Variants in MYRFL observed in about 807,000 individuals in gnomAD.
MYRFL encodes the protein myelin regulatory factor like.
Under a neutral mutation model 109.4 loss-of-function variants are expected in MYRFL, and 88 were observed. The ratio of observed to expected loss-of-function variants is 0.80; its 90% CI spans 0.68 to 0.96. The LOEUF (loss-of-function observed/expected upper bound fraction) is 0.96, where lower values mean the gene tolerates loss of function less well. Among genes scored for constraint, MYRFL ranks in the 40% least tolerant of loss-of-function variants. The pLI is 0.00. For synonymous variants in MYRFL, 324 were observed against 320.9 expected, an observed-to-expected ratio of 1.01 and a Z score of -0.10; for missense variants, 957 against 954.9, an observed-to-expected ratio of 1.00 and a Z score of -0.03.
chr12:69,877,659 G>A (rs971703214), intron 2 of MYRFL, among the ~76,000 whole-genome samples: 1 of 152,156 alleles, frequency 6.6e-6, no homozygotes, highest in African/African-American at 2.4e-5. Flanking sequence ...GAGAGTAGAT[G>A]TGTGTCCTCT....
intron 19 of MYRFL, among the ~76,000 whole-genome samples, chr12:69,948,557 A>C (rs1242156245): frequency 1.3e-5 from 2 of 152,172 alleles, no homozygotes; most frequent in African/African-American, 2.4e-5. Context: ...ACTTCTCTTT[A>C]TGCCTCATTT....
intron 13 of MYRFL, among the ~76,000 whole-genome samples, chr12:69,912,843 T>A (rs1434524000): frequency 2.0e-5 from 3 of 152,218 alleles, no homozygotes; most frequent in Non-Finnish European, 4.4e-5. Context: ...CTGGATCACA[T>A]GGCAATTCTA....
At chr12:69,941,297 C>T (rs984963546) in intron 19 of MYRFL, among the ~76,000 whole-genome samples, 13 of 104,444 alleles carry the variant, frequency 1.2e-4, no homozygotes, top group Admixed American at 1.2e-4. Flanking sequence ...AAGCTCTCCT[C>T]AGCAAATGTA....
Position 69,952,781 on chromosome 12 carries a change from T to A in MYRFL, c.2288-18T>A. ...TTCAGAAGAGTTTATTTACTTTGTC[T>A]ATTTCTTCTCAATTCAGGGATTGAT... On this transcript the variant is annotated intron_variant, in intron 20 of 24. Transcript: ENST00000552032. The A allele has an allele frequency of 6.8e-7, 1 of 1,480,380 alleles. No individual in the cohort carries two copies. The highest frequency in any genetic ancestry group is 9.1e-7 in the Non-Finnish European group (1 of 1,102,400). 91.7% of individuals were successfully genotyped at this position (1,480,380 alleles called of 1,614,324 possible). A position where few individuals can be genotyped will look rare whatever the true frequency, so the allele number is the denominator to read the frequency against.
At chr12:69,926,845 C>A (rs141168345) in intron 14 of MYRFL, 111 bp downstream of exon 14, 3 of 957,506 alleles carry the variant, frequency 3.1e-6, no homozygotes, top group African/African-American at 3.4e-5. Context: ...CCGCTACTTT[C>A]TGATAATGAA....
chr12:69,954,717 T>G (rs1248930137), intron 21 of MYRFL, among the ~76,000 whole-genome samples: 1 of 152,208 alleles, frequency 6.6e-6, no homozygotes, highest in East Asian at 1.9e-4. Flanking sequence ...AAGGAGAACT[T>G]GTTTTAGAGA....
chr12:69,939,939 A>T (rs1234849142), intron 19 of MYRFL, among the ~76,000 whole-genome samples: 3 of 152,242 alleles, frequency 2.0e-5, no homozygotes, highest in Non-Finnish European at 4.4e-5. Flanking sequence ...AAGAAAGGGT[A>T]TCAGCAATGG....
intron 20 of MYRFL, 53 bp from the exon 21 acceptor site, chr12:69,952,746 T>C: frequency 7.7e-7 from 1 of 1,293,256 alleles, no homozygotes; most frequent in South Asian, 1.4e-5. Flanking sequence ...AATACAATAT[T>C]CTTTTTCCTT....
chr12:69,872,624 G>A (rs939915666), intron 2 of MYRFL, among the ~76,000 whole-genome samples: 5 of 151,492 alleles, frequency 3.3e-5, no homozygotes, highest in African/African-American at 4.9e-5. Context: ...CCTCAGCCTC[G>A]TGAGTAGCTG....
chr12:69,939,213 C>T (rs1955562638), intron 19 of MYRFL, among the ~76,000 whole-genome samples: 1 of 152,214 alleles, frequency 6.6e-6, no homozygotes, highest in African/African-American at 2.4e-5. Context: ...GCCTGCCTGC[C>T]TGTGTAGGCT....
intron 18 of MYRFL, 46 bp from the exon 19 acceptor site, chr12:69,936,407 A>C (rs1224415571): frequency 6.6e-7 from 1 of 1,526,366 alleles, no homozygotes; most frequent in East Asian, 2.5e-5. Flanking sequence ...CCAGCCTTTC[A>C]GGTTAACCTT....
intron 11 of MYRFL, among the ~76,000 whole-genome samples, chr12:69,907,382 T>C (rs1235282090): frequency 6.6e-6 from 1 of 152,218 alleles, no homozygotes; most frequent in Non-Finnish European, 1.5e-5. Context: ...CATTTCCCTC[T>C]CTGTAGCCTG....
In MYRFL at chr12:69,903,730, A is replaced by C. The variant is rs1257045317; in HGVS notation, c.1269A>C (p.Arg423=). 7.2e-6 allele frequency: 11 copies of C among 1,535,848 alleles called. No homozygotes were observed. Among genetic ancestry groups the C allele is most frequent in the Non-Finnish European group, 9.6e-6 (11 of 1,146,700 alleles). ...QVPESIVCHG[R]VGINTDAPDE... The stretch of plus-strand genomic sequence containing the variant: ...CAGAATCTATTGTCTGTCACGGTCG[A>C]GTAGGAATCAACACAGATGCGCCGG... Residue 423 remains arginine, a synonymous_variant, in exon 11 of 25, where the codon CGA becomes CGC. Transcript: ENST00000552032.
chr12:69,916,229 A>G (rs1393898169), intron 13 of MYRFL, among the ~76,000 whole-genome samples: 1 of 152,292 alleles, frequency 6.6e-6, no homozygotes, highest in East Asian at 1.9e-4. Context: ...CAAGTAATAA[A>G]GCTCTAAGTA....
intron 1 of MYRFL, among the ~76,000 whole-genome samples, chr12:69,836,885 C>T (rs184131589): frequency 1.4e-4 from 22 of 152,280 alleles, no homozygotes; most frequent in African/African-American, 3.8e-4. Flanking sequence ...AATCTATAGA[C>T]GGCCACCAAT....
chr12:69,912,405 C>T (rs1388701007), intron 13 of MYRFL, among the ~76,000 whole-genome samples: 1 of 152,124 alleles, frequency 6.6e-6, no homozygotes, highest in African/African-American at 2.4e-5. Context: ...CACCACCATC[C>T]ATCTCCAGAA....
At chr12:69,890,697 T>C (rs1215544101) in intron 6 of MYRFL, among the ~76,000 whole-genome samples, 1 of 152,200 alleles carries the variant, frequency 6.6e-6, no homozygotes, top group Non-Finnish European at 1.5e-5. Flanking sequence ...TTGGTGCTAC[T>C]GCACTCCAGC....
At chr12:69,940,093 G>A (rs922080063) in intron 19 of MYRFL, among the ~76,000 whole-genome samples, 4 of 151,742 alleles carry the variant, frequency 2.6e-5, no homozygotes, top group African/African-American at 7.3e-5. Flanking sequence ...ACCTGAAAGT[G>A]ATGGGGAGAA....
At chr12:69,862,358 A>G (rs1340441162) in intron 2 of MYRFL, among the ~76,000 whole-genome samples, 1 of 152,080 alleles carries the variant, frequency 6.6e-6, no homozygotes, top group Non-Finnish European at 1.5e-5. Flanking sequence ...CATTTTCACA[A>G]TATTGATTCT....
Sources: gnomAD v4.1 joint callset for allele counts (sites outside exome capture counted in the v4.1 genomes callset) on GRCh38, gnomAD v4.1.1 for gene constraint, MANE v1.5 for transcripts, NCBI Gene and HGNC (gene_info 2026-07-23, HGNC 2026-07-21) for gene names.